The following ADAMTSL1 variants were observed in gnomAD, a reference collection of about 807,000 sequenced individuals.
ADAMTSL1 encodes ADAMTS-like protein 1.
A neutral mutation model predicts 201.8 loss-of-function variants in ADAMTSL1; 126 were observed. That is an observed-to-expected ratio of 0.62 (90% confidence interval 0.54 to 0.72). The LOEUF is 0.72. Among genes scored for constraint, ADAMTSL1 ranks in the 30% least tolerant of loss-of-function variants. The probability of loss-of-function intolerance (pLI) is 0.00; values close to 1 mark genes in which losing one functional copy is unlikely to be tolerated. For synonymous variants in ADAMTSL1, 1,121 were observed against 903.4 expected, an observed-to-expected ratio of 1.24 and a Z score of -4.32; for missense variants, 2,679 against 2,277.8, an observed-to-expected ratio of 1.18 and a Z score of -3.59.
intron 19 of ADAMTSL1, among the ~76,000 whole-genome samples, chr9:18,784,693 A>G (rs550976758): frequency 6.6e-6 from 1 of 152,332 alleles, no homozygotes; most frequent in East Asian, 1.9e-4. Context: ...CATCCAGGCC[A>G]GTGGAGAAAT....
At chr9:18,319,384 A>T (rs1246112922) in intron 2 of ADAMTSL1, among the ~76,000 whole-genome samples, 15 of 152,144 alleles carry the variant, frequency 9.9e-5, no homozygotes, top group Admixed American at 8.5e-4. Flanking sequence ...AATGAATTAA[A>T]TGCAAAACAG....
At chr9:17,965,830 TCA>T (rs1817960055) in intron 1 of ADAMTSL1, among the ~76,000 whole-genome samples, 1 of 152,158 alleles carries the variant, frequency 6.6e-6, no homozygotes, top group East Asian at 1.9e-4. Context: ...CTCAGAACTC[TCA>T]GATATCCCAG....
chr9:18,442,687 G>A (rs1820041937), intron 2 of ADAMTSL1, among the ~76,000 whole-genome samples: 3 of 152,278 alleles, frequency 2.0e-5, no homozygotes, highest in South Asian at 4.1e-4. Flanking sequence ...CATACCTTTA[G>A]CTGCTATGAT....
chr9:17,979,248 A>G (rs1818585271), intron 1 of ADAMTSL1, among the ~76,000 whole-genome samples: 1 of 151,976 alleles, frequency 6.6e-6, no homozygotes, highest in South Asian at 2.1e-4. Context: ...TTATTTCTTT[A>G]TATATTACCC....
intron 28 of ADAMTSL1, 151 bp from the exon 29 acceptor site, chr9:18,908,291 A>G (rs1830424066): frequency 2.9e-6 from 2 of 683,074 alleles, no homozygotes; most frequent in Non-Finnish European, 5.2e-6. Context: ...AGCTCTGTCA[A>G]AGTTAGGCTG....
chr9:18,520,468 A>G (rs951864142), intron 2 of ADAMTSL1, among the ~76,000 whole-genome samples: 3 of 152,252 alleles, frequency 2.0e-5, no homozygotes, highest in African/African-American at 7.2e-5. Flanking sequence ...TCACAAAAAT[A>G]TGTTATCTAT....
chr9:18,826,157 TG>T, intron 21 of ADAMTSL1, 126 bp from the exon 22 acceptor site: 2 of 1,119,572 alleles, frequency 1.8e-6, no homozygotes, highest in Non-Finnish European at 2.6e-6. Context: ...GGCCAAAGCC[TG>T]GTAGAAGATG....
At chr9:18,071,298 T>A (rs1216326559) in intron 1 of ADAMTSL1, among the ~76,000 whole-genome samples, 1 of 152,206 alleles carries the variant, frequency 6.6e-6, no homozygotes, top group Admixed American at 6.5e-5. Context: ...TCAGAGCATA[T>A]CTATGGGAGT....
At chr9:18,366,094 G>A (rs1830194350) in intron 2 of ADAMTSL1, among the ~76,000 whole-genome samples, 1 of 151,606 alleles carries the variant, frequency 6.6e-6, no homozygotes, top group Non-Finnish European at 1.5e-5. Context: ...CTTTTTTTTT[G>A]AGAAATAGTA....
chr9:17,942,631 C>T (rs1332390663), intron 1 of ADAMTSL1, among the ~76,000 whole-genome samples: 1 of 152,124 alleles, frequency 6.6e-6, no homozygotes, highest in Non-Finnish European at 1.5e-5. Context: ...CAATACCAAC[C>T]TGCCAACTGT....
chr9:18,026,065 C>A (rs753011119), intron 1 of ADAMTSL1, among the ~76,000 whole-genome samples: 1 of 151,154 alleles, frequency 6.6e-6, no homozygotes, highest in Admixed American at 6.6e-5. Flanking sequence ...ACTGGTGTAT[C>A]CTGAAACTTT....
At chr9:18,173,777 A>C (rs954414574) in intron 2 of ADAMTSL1, among the ~76,000 whole-genome samples, 1 of 152,184 alleles carries the variant, frequency 6.6e-6, no homozygotes, top group Non-Finnish European at 1.5e-5. Context: ...AGAAATACAT[A>C]AATAACACGT....
Position 18,768,986 on chromosome 9 carries a change from A to G in ADAMTSL1, c.2218-1616A>G, listed in dbSNP as rs771821248. 1.1e-4 allele frequency among the ~76,000 whole-genome samples: 16 copies of G among 152,252 alleles called. No individual in the cohort carries two copies. The South Asian group carries it at 1.2e-3, about 12-fold the overall frequency. On this transcript the variant is annotated intron_variant, in intron 16 of 28. Transcript: ENST00000380548. ...TATCTTTCTTAAAAACAAAACAAAAACTGGTACCTGGGAGCCACATCCCAG... is the reference window on the plus strand; with the variant it reads ...TATCTTTCTTAAAAACAAAACAAAAGCTGGTACCTGGGAGCCACATCCCAG...
At chr9:17,942,001 C>G (rs1827257375) in intron 1 of ADAMTSL1, among the ~76,000 whole-genome samples, 1 of 152,124 alleles carries the variant, frequency 6.6e-6, no homozygotes, top group Non-Finnish European at 1.5e-5. Flanking sequence ...TTGGAGGTTA[C>G]AATTTCAATA....
chr9:18,206,317 T>A (rs776902361), intron 2 of ADAMTSL1, among the ~76,000 whole-genome samples: 6 of 152,078 alleles, frequency 3.9e-5, no homozygotes, highest in Non-Finnish European at 8.8e-5. Flanking sequence ...CTTAGAGCAG[T>A]ACATGTGATT....
chr9:18,257,148 T>C (rs931417717), intron 2 of ADAMTSL1, among the ~76,000 whole-genome samples: 1 of 152,232 alleles, frequency 6.6e-6, no homozygotes, highest in African/African-American at 2.4e-5. Flanking sequence ...TTACAAAAAT[T>C]AGATGTCAGG....
chr9:18,559,005 A>G (rs1188266758), intron 3 of ADAMTSL1, among the ~76,000 whole-genome samples: 3 of 152,168 alleles, frequency 2.0e-5, no homozygotes. Flanking sequence ...GAAGCTCTTT[A>G]GTTTAATTAG....
rs1831187867 is a variant in ADAMTSL1, at chr9:18,244,567, A to C, written c.207+80586A>C. Among the ~76,000 whole-genome samples the C allele has an allele frequency of 3.3e-5, 5 of 151,954 alleles. No individual in the cohort carries two copies. The South Asian group carries it at 1.0e-3, about 32-fold the overall frequency. Reference sequence around the variant, plus strand: ...GCTTCCTCCTCTTTACCCAAAATATATGATCCCTCACTCTTCCCCTTCACC... The same window carrying C: ...GCTTCCTCCTCTTTACCCAAAATATCTGATCCCTCACTCTTCCCCTTCACC... On this transcript the variant is annotated intron_variant, in intron 2 of 29. Transcript: ENST00000680146.
intron 7 of ADAMTSL1, among the ~76,000 whole-genome samples, chr9:18,643,053 A>T (rs950712582): frequency 1.3e-5 from 2 of 152,006 alleles, no homozygotes; most frequent in Non-Finnish European, 2.9e-5. Context: ...CACCCATAGT[A>T]TCAAAGGGTT....
Sources: allele counts gnomAD v4.1 joint callset (sites outside exome capture counted in the v4.1 genomes callset), GRCh38; gene constraint gnomAD v4.1.1; transcripts MANE v1.5; gene names NCBI Gene and HGNC (gene_info 2026-07-23, HGNC 2026-07-21).